The following CASTOR2 variants were observed in gnomAD, a reference collection of about 807,000 sequenced individuals.
CASTOR2 encodes GATS protein like 2.
Under a neutral mutation model 31.2 loss-of-function variants are expected in CASTOR2, and 8 were observed. That is an observed-to-expected ratio of 0.26 (90% CI 0.15 to 0.46). The LOEUF (loss-of-function observed/expected upper bound fraction) is 0.46. Ranked by LOEUF, CASTOR2 falls within the 20% of genes least tolerant of loss-of-function variation. CASTOR2 has a pLI of 0.99. For synonymous variants in CASTOR2, 162 were observed against 158.7 expected, an observed-to-expected ratio of 1.02 and a Z score of -0.16; for missense variants, 216 against 382.1, an observed-to-expected ratio of 0.57 and a Z score of 3.62.
At chr7:75,009,262 C>CTTTTTTTTTTTTT (rs1161937896) in intron 2 of CASTOR2, among the ~76,000 whole-genome samples, 1 of 60,296 alleles carries the variant, frequency 1.7e-5, no homozygotes, top group Non-Finnish European at 2.7e-5. Context: ...GGCCTGAGAA[C>CTTTTTTTTTTTTT]TTTTTTTTTT....
At chr7:75,003,911 C>T (rs1392124033) in intron 1 of CASTOR2, among the ~76,000 whole-genome samples, 3 of 152,130 alleles carry the variant, frequency 2.0e-5, no homozygotes, top group African/African-American at 4.8e-5. Context: ...CGAGATGTCC[C>T]CTAGCTCAGC....
chr7:74,995,160 G>A (rs1379210498), intron 1 of CASTOR2, among the ~76,000 whole-genome samples: 3 of 152,058 alleles, frequency 2.0e-5, no homozygotes, highest in Non-Finnish European at 4.4e-5. Flanking sequence ...GCAGGGGGTC[G>A]GGGTAAGGAG....
chr7:75,003,348 G>T (rs1234428664), intron 1 of CASTOR2, among the ~76,000 whole-genome samples: 1 of 152,116 alleles, frequency 6.6e-6, no homozygotes, highest in African/African-American at 2.4e-5. Context: ...CTAGTTGGGA[G>T]GCTGAGCTAG....
chr7:74,979,114 C>A (rs1285005357), intron 1 of CASTOR2, among the ~76,000 whole-genome samples: 3 of 151,978 alleles, frequency 2.0e-5, no homozygotes, highest in African/African-American at 7.3e-5. Flanking sequence ...CTGCAGTGAG[C>A]CGAGATTGTG....
At chr7:75,021,572 C>CTCAGCTT (rs1805006037) in intron 6 of CASTOR2, among the ~76,000 whole-genome samples, 1 of 152,184 alleles carries the variant, frequency 6.6e-6, no homozygotes, top group Non-Finnish European at 1.5e-5. Context: ...GCTATTTCTC[C>CTCAGCTT]CTCAGCTTGT....
At position 75,024,729 on chromosome 7, in the gene CASTOR2, G is replaced by A. The variant is rs896160855; in HGVS notation, c.*30G>A. On this transcript the variant is annotated 3_prime_UTR_variant, in exon 9 of 9. Transcript: ENST00000616305. ...GTCTCTTCTGCTCCTCCCTGCCGCC[G>A]CCCGGGCCCAGCCCTAACCCTGAAG... 67 of 1,551,404 alleles carry A rather than the reference G, an allele frequency of 4.3e-5. No individual in the cohort carries two copies. Among genetic ancestry groups the A allele is most frequent in the African/African-American group, 5.5e-5 (4 of 73,030 alleles).
intron 2 of CASTOR2, among the ~76,000 whole-genome samples, chr7:75,015,619 G>C (rs1339782022): frequency 1.1e-4 from 17 of 152,000 alleles, no homozygotes; most frequent in Non-Finnish European, 2.2e-4. Context: ...TTAGGGACTT[G>C]GTACTTTTCA....
intron 1 of CASTOR2, among the ~76,000 whole-genome samples, chr7:74,990,900 C>T (rs1482260866): frequency 2.6e-5 from 4 of 151,672 alleles, no homozygotes; most frequent in Non-Finnish European, 4.4e-5. Flanking sequence ...TGGTGGCACA[C>T]GCCTATAGTC....
chr7:74,981,737 T>G (rs1183697768), intron 1 of CASTOR2, among the ~76,000 whole-genome samples: 2 of 151,082 alleles, frequency 1.3e-5, no homozygotes, highest in Non-Finnish European at 1.5e-5. Context: ...TATTTTTTTT[T>G]TAATAATTTT....
chr7:75,008,591 G>A (rs1261850831), intron 2 of CASTOR2, among the ~76,000 whole-genome samples: 32 of 152,084 alleles, frequency 2.1e-4, no homozygotes, highest in Admixed American at 2.1e-3. Context: ...AGCTACTTGA[G>A]AGACCGAGGC....
At chr7:75,005,162 C>T (rs1223362582) in intron 1 of CASTOR2, among the ~76,000 whole-genome samples, 48 of 152,174 alleles carry the variant, frequency 3.2e-4, no homozygotes, top group Admixed American at 2.4e-3. Flanking sequence ...CCACCGCACC[C>T]GGCCTAAATT....
Position 75,000,654 on chromosome 7 carries a change from TTTTG to T in CASTOR2, c.114-7324_114-7321del, listed in dbSNP as rs1258262062. Among the ~76,000 whole-genome samples, 19 of 151,932 alleles carry T rather than the reference TTTTG, an allele frequency of 1.3e-4. 1 individual carries two copies. The highest frequency in any genetic ancestry group is 2.7e-4 in the African/African-American group (11 of 41,468). On this transcript the variant is annotated intron_variant, in intron 1 of 8. Transcript: ENST00000616305. ...TCAAAACCCCGCTGGCCAGGCTCTT[TTTTG>T]TTTGTTTGTTTGTTTTTGAGATGGA... is the stretch of plus-strand genomic sequence containing the variant.
chr7:75,024,995 C>T lies in CASTOR2; in HGVS notation c.*296C>T, dbSNP rs1416456973. ...GGCCCAGGGAGCTTGTGAGCTGATC[C>T]GCCTTCTCATCCGGCCTCACCCACG... On this transcript the variant is annotated 3_prime_UTR_variant, in exon 9 of 9. Coordinates refer to ENST00000616305, the MANE Select transcript of CASTOR2 (RefSeq NM_001145064.3). 3.3e-5 allele frequency among the ~76,000 whole-genome samples: 5 copies of T among 152,228 alleles called. No homozygotes were observed. The highest frequency in any genetic ancestry group is 4.8e-5 in the African/African-American group (2 of 41,464).
intron 1 of CASTOR2, among the ~76,000 whole-genome samples, chr7:75,004,346 C>G: frequency 6.6e-6 from 1 of 152,120 alleles, no homozygotes. Flanking sequence ...ATTTGAAAAC[C>G]GAAGAGCCAG....
At chr7:74,982,070 G>C (rs1324567072) in intron 1 of CASTOR2, among the ~76,000 whole-genome samples, 1 of 94,958 alleles carries the variant, frequency 1.1e-5, no homozygotes, top group South Asian at 3.4e-4. Context: ...CCAGTCTCAA[G>C]AAAAAAAAAA....
intron 6 of CASTOR2, among the ~76,000 whole-genome samples, 184 bp downstream of exon 6, chr7:75,020,333 C>G (rs1804965001): frequency 6.6e-6 from 1 of 151,840 alleles, no homozygotes; most frequent in South Asian, 2.1e-4. Flanking sequence ...ACCTCCACCT[C>G]TCAGGTTCAA....
chr7:75,022,638 C>T (rs903091430), intron 7 of CASTOR2, among the ~76,000 whole-genome samples: 2 of 148,332 alleles, frequency 1.3e-5, no homozygotes, highest in Non-Finnish European at 3.0e-5. Flanking sequence ...TGTCTACTAA[C>T]AATACAAAAA....
At chr7:75,005,778 A>G (rs1393283234) in intron 1 of CASTOR2, among the ~76,000 whole-genome samples, 3 of 152,138 alleles carry the variant, frequency 2.0e-5, no homozygotes, top group African/African-American at 7.2e-5. Flanking sequence ...TTGCTTGAGG[A>G]CAAGAGTTCA....
intron 7 of CASTOR2, among the ~76,000 whole-genome samples, chr7:75,023,855 T>G (rs1270546927): frequency 6.6e-6 from 1 of 151,836 alleles, no homozygotes; most frequent in African/African-American, 2.4e-5. Context: ...TCCAGTCATC[T>G]TGCACCAGGC....
Sources: allele counts gnomAD v4.1 joint callset (sites outside exome capture counted in the v4.1 genomes callset), GRCh38; gene constraint gnomAD v4.1.1; transcripts MANE v1.5; gene names NCBI Gene and HGNC (gene_info 2026-07-23, HGNC 2026-07-21).